DMD: variants seen among roughly 807,000 people sequenced by gnomAD.
The protein encoded by DMD is mutant dystrophin.
A neutral mutation model predicts 330.1 loss-of-function variants in DMD; 63 were observed. The observed-to-expected ratio is 0.19, with a 90% CI of 0.16 to 0.24. The LOEUF is 0.24. Among genes scored for constraint, DMD ranks in the 10% least tolerant of loss-of-function variants. DMD has a pLI of 1.00. For missense variants in DMD, 3,344 were observed against 2,684.1 expected, an observed-to-expected ratio of 1.25 and a Z score of -5.43; for synonymous variants, 1,223 against 959.8, an observed-to-expected ratio of 1.27 and a Z score of -5.07.
At chrX:32,932,803 T>A (rs1325236523) in intron 2 of DMD, among the ~76,000 whole-genome samples, 1 of 111,801 alleles carries the variant, frequency 8.9e-6, no homozygotes, top group African/African-American at 3.3e-5. Flanking sequence ...AAATCAGTGA[T>A]CCCAGAAAAG....
Position 32,474,466 on chromosome X carries a change from T to C in DMD, c.2804-2157A>G, listed in dbSNP as rs183118616. Among the ~76,000 whole-genome samples the C allele has an allele frequency of 6.9e-3, 774 of 112,056 alleles. 4 individuals carry two copies. The highest frequency in any genetic ancestry group is 0.012 in the Non-Finnish European group (631 of 53,127). On this transcript the variant is annotated intron_variant, in intron 21 of 78. Transcript: ENST00000357033. ...CTTTTCCATAGTGGCTGTACTTGTT[T>C]AAATCCCCATCAGCAGTGTAGAAGT...
At chrX:31,232,328 C>A (rs1214561224) in intron 63 of DMD, among the ~76,000 whole-genome samples, 2 of 110,693 alleles carry the variant, frequency 1.8e-5, no homozygotes, top group Non-Finnish European at 3.8e-5. Context: ...TCTCTTTATC[C>A]CTGAAACTCT....
At position 32,409,532 on chromosome X, in the gene DMD, A is replaced by T. The variant is rs143052548; in HGVS notation, c.4233+2220T>A. Among the ~76,000 whole-genome samples the T allele has an allele frequency of 1.3e-3, 147 of 111,594 alleles. 3 individuals carry two copies. In the East Asian group the frequency reaches 0.038, roughly 29 times the overall value. ...AAAAACACACAGTGCCCCTTATCAC[A>T]ACCTGTTCAACTAAAGATGCTTCGC... On this transcript the variant is annotated intron_variant, in intron 30 of 78. Coordinates refer to ENST00000357033, the MANE Select transcript of DMD (RefSeq NM_004006.3).
At chrX:32,844,948 G>T in intron 3 of DMD, 88 bp from the exon 4 acceptor site, 2 of 761,747 alleles carry the variant, frequency 2.6e-6, no homozygotes, top group Non-Finnish European at 4.0e-6. Flanking sequence ...TCACTATTAA[G>T]CTTGAATATT....
chrX:32,421,534 T>C (rs1271905572), intron 29 of DMD, among the ~76,000 whole-genome samples: 1 of 111,737 alleles, frequency 8.9e-6, no homozygotes, highest in African/African-American at 3.3e-5. Context: ...TATATGAGCA[T>C]AGGGAACAGA....
At chrX:32,518,290 A>G (rs939044458) in intron 17 of DMD, among the ~76,000 whole-genome samples, 159 bp from the exon 18 acceptor site, 3 of 111,082 alleles carry the variant, frequency 2.7e-5, no homozygotes, top group Admixed American at 9.6e-5. Context: ...CCTGTTAGGT[A>G]GACTCAAATT....
chrX:32,316,546 G>A (rs1555253), intron 41 of DMD, among the ~76,000 whole-genome samples: 5,647 of 111,222 alleles, frequency 0.051, 356 homozygotes, highest in African/African-American at 0.17. Flanking sequence ...GTACAGATCA[G>A]CTGACTAGAG....
chrX:31,509,168 G>A (rs890662624), intron 55 of DMD, among the ~76,000 whole-genome samples: 12 of 111,769 alleles, frequency 1.1e-4, no homozygotes, highest in Non-Finnish European at 1.9e-4. Flanking sequence ...GATTTTGAAA[G>A]TAGTTTATAT....
At chrX:32,755,420 C>T (rs1178037467) in intron 7 of DMD, among the ~76,000 whole-genome samples, 6 of 111,389 alleles carry the variant, frequency 5.4e-5, no homozygotes, top group Non-Finnish European at 1.1e-4. Context: ...ATTCATATAG[C>T]TGTATTCTAA....
chrX:31,430,443 G>A (rs2063976376), intron 60 of DMD, among the ~76,000 whole-genome samples: 1 of 111,597 alleles, frequency 9.0e-6, no homozygotes, highest in Admixed American at 9.6e-5. Flanking sequence ...GGCTGGAAAG[G>A]CAGCGATAAT....
Position 31,773,992 on chromosome X carries a change from C to G in DMD, c.7510G>C (p.Glu2504Gln). 2 of 1,209,760 alleles carry G rather than the reference C, an allele frequency of 1.7e-6. No homozygotes were observed. Among genetic ancestry groups the G allele is most frequent in the Non-Finnish European group, 2.2e-6 (2 of 894,774 alleles). Residue 2504 changes from glutamate (E) to glutamine (Q), a missense_variant, in exon 51 of 79, where the codon GAG becomes CAG. Physicochemically the swap from Glu to Gln is conservative, Grantham distance 29. Coordinates refer to ENST00000357033, the MANE Select transcript of DMD (RefSeq NM_004006.3). The stretch of plus-strand genomic sequence containing the variant: ...TTGATGATCATCTCGTTGATATCCT[C>G]AAGGTCACCCACCATCACCCTCTGT... ...KSQRVMVGDL[E>Q]DINEMIIKQK... is the part of the protein sequence containing the mutation.
At chrX:31,839,457 G>A (rs1465797066) in intron 48 of DMD, among the ~76,000 whole-genome samples, 2 of 111,901 alleles carry the variant, frequency 1.8e-5, no homozygotes, top group Admixed American at 9.5e-5. Flanking sequence ...GCAGACAGTC[G>A]AAAGGTTCAT....
chrX:32,590,362 C>T (rs748110046), intron 13 of DMD, among the ~76,000 whole-genome samples: 39 of 111,466 alleles, frequency 3.5e-4, no homozygotes, highest in East Asian at 8.5e-4. Context: ...CTTGTTGTGA[C>T]GGTTAATATT....
intron 1 of DMD, among the ~76,000 whole-genome samples, chrX:33,257,036 T>C (rs1005823097): frequency 6.3e-5 from 7 of 110,427 alleles, no homozygotes; most frequent in African/African-American, 2.3e-4. Flanking sequence ...CTACCTACAA[T>C]TTTTCTATTT....
At chrX:32,073,829 G>A (rs1220032729) in intron 44 of DMD, among the ~76,000 whole-genome samples, 1 of 111,191 alleles carries the variant, frequency 9.0e-6, no homozygotes, top group Admixed American at 9.6e-5. Context: ...AGAGCATAGC[G>A]TTAAGTATAA....
intron 1 of DMD, among the ~76,000 whole-genome samples, chrX:33,079,505 A>T (rs886260665): frequency 8.0e-5 from 9 of 111,850 alleles, no homozygotes; most frequent in Non-Finnish European, 1.5e-4. Flanking sequence ...TAGGAGTTTT[A>T]CATAATCTCA....
chrX:31,122,022 C>T, intron 78 of DMD, 92 bp from the exon 79 acceptor site: 2 of 703,626 alleles, frequency 2.8e-6, no homozygotes, highest in Non-Finnish European at 4.5e-6. Context: ...AATCATTCCC[C>T]ATTTCTGGGT....
intron 54 of DMD, among the ~76,000 whole-genome samples, chrX:31,654,303 A>T (rs2080641508): frequency 8.9e-6 from 1 of 111,947 alleles, no homozygotes; most frequent in Non-Finnish European, 1.9e-5. Context: ...AGTGCAGGCA[A>T]TGCATTAGTG....
At chrX:32,219,897 C>G (rs914193246) in intron 43 of DMD, among the ~76,000 whole-genome samples, 13 of 111,917 alleles carry the variant, frequency 1.2e-4, no homozygotes, top group Non-Finnish European at 2.1e-4. Flanking sequence ...CATCCTCTAT[C>G]AAATTCAACA....
Sources: allele counts gnomAD v4.1 joint callset (sites outside exome capture counted in the v4.1 genomes callset), GRCh38; gene constraint gnomAD v4.1.1; transcripts MANE v1.5; gene names NCBI Gene and HGNC (gene_info 2026-07-23, HGNC 2026-07-21).